The following DMXL2 variants were observed in gnomAD, a reference collection of about 807,000 sequenced individuals.
DMXL2 encodes the protein dmX-like protein 2.
A neutral mutation model predicts 331.1 loss-of-function variants in DMXL2; 103 were observed. That is an observed-to-expected ratio of 0.31 (90% CI 0.27 to 0.37). The LOEUF is 0.37. Among genes scored for constraint, DMXL2 ranks in the 10% least tolerant of loss-of-function variants. DMXL2 has a pLI of 1.00. For missense variants in DMXL2, 3,171 were observed against 3,642.9 expected, an observed-to-expected ratio of 0.87 and a Z score of 3.33; for synonymous variants, 1,281 against 1,252.1, an observed-to-expected ratio of 1.02 and a Z score of -0.49.
chr15:51,599,405 T>G (rs2053066487), intron 1 of DMXL2, among the ~76,000 whole-genome samples: 1 of 152,196 alleles, frequency 6.6e-6, no homozygotes, highest in Non-Finnish European at 1.5e-5. Flanking sequence ...TGTGTGTGTA[T>G]GTTTATGTAT....
In DMXL2 at chr15:51,586,983, T is replaced by TAAAAA. The variant is rs34212997; in HGVS notation, c.88-10807_88-10803dup. 2.4e-3 allele frequency among the ~76,000 whole-genome samples: 345 copies of TAAAAA among 144,354 alleles called. 2 individuals are homozygous for TAAAAA. The highest frequency in any genetic ancestry group is 2.5e-3 in the Non-Finnish European group (164 of 66,214). 94.7% of individuals were successfully genotyped at this position (144,354 alleles called of 152,430 possible). ...CAAAGTATTCATTGTCAAAAATCTC[T>TAAAAA]AAAAAAAAAAAAAATCAATACTGTA... On this transcript the variant is annotated intron_variant, in intron 1 of 43. Transcript: ENST00000560891.
At chr15:51,591,982 A>T (rs960935863) in intron 1 of DMXL2, among the ~76,000 whole-genome samples, 1 of 152,184 alleles carries the variant, frequency 6.6e-6, no homozygotes, top group Non-Finnish European at 1.5e-5. Context: ...AGAGCAGAAA[A>T]ACTGGAAACT....
At chr15:51,452,330 G>C (rs547596480) in intron 41 of DMXL2, among the ~76,000 whole-genome samples, 1 of 152,210 alleles carries the variant, frequency 6.6e-6, no homozygotes, top group Admixed American at 6.5e-5. Flanking sequence ...AGAGTAAAAA[G>C]GCAACCTGCA....
At chr15:51,462,247 G>A (rs929828138) in intron 33 of DMXL2, among the ~76,000 whole-genome samples, 5 of 152,106 alleles carry the variant, frequency 3.3e-5, no homozygotes, top group Admixed American at 2.0e-4. Flanking sequence ...ACTTTATCTC[G>A]GGAAATTGAG....
intron 33 of DMXL2, among the ~76,000 whole-genome samples, chr15:51,462,788 A>G (rs887748007): frequency 1.3e-5 from 2 of 152,152 alleles, no homozygotes; most frequent in South Asian, 2.1e-4. Flanking sequence ...TCACTTGCCA[A>G]TCTCCCAAAC....
intron 25 of DMXL2, among the ~76,000 whole-genome samples, chr15:51,478,884 A>G (rs2041798832): frequency 6.6e-6 from 1 of 151,604 alleles, no homozygotes; most frequent in Non-Finnish European, 1.5e-5. Context: ...CAGTCTTAGA[A>G]TTTTACATTT....
chr15:51,451,549 A>G (rs1240710578), intron 42 of DMXL2, 96 bp downstream of exon 42: 2 of 951,756 alleles, frequency 2.1e-6, no homozygotes, highest in Non-Finnish European at 3.2e-6. Context: ...GTCAATAAAC[A>G]CTCACTGGAT....
intron 13 of DMXL2, among the ~76,000 whole-genome samples, chr15:51,534,377 T>G (rs1238028806): frequency 6.6e-6 from 1 of 152,208 alleles, no homozygotes; most frequent in Non-Finnish European, 1.5e-5. Flanking sequence ...TTTAATATCT[T>G]GAGGTACTCT....
intron 13 of DMXL2, among the ~76,000 whole-genome samples, chr15:51,527,881 T>TCC (rs1374198951): frequency 6.6e-6 from 1 of 152,024 alleles, no homozygotes; most frequent in African/African-American, 2.4e-5. Context: ...TTACAACTTT[T>TCC]CAAGATACAG....
chr15:51,565,123 C>T lies in DMXL2; in HGVS notation c.329G>A (p.Ser110Asn). The T allele has an allele frequency of 6.3e-7, 1 of 1,584,232 alleles. No homozygotes were observed. Among genetic ancestry groups the T allele is most frequent in the Non-Finnish European group, 8.6e-7 (1 of 1,167,298 alleles). Residue 110 changes from serine (S) to asparagine (N), a missense_variant, in exon 4 of 44, where the codon AGT becomes AAT. Around this residue, in one of 7 missense-constraint regions of DMXL2, gnomAD observed 1,674 missense variants for 1,780.2 expected, o/e 0.94. Transcript: ENST00000560891. ...QWLKTGQFFLSSVTYNLAWDP... is the reference protein window; with the variant it reads ...QWLKTGQFFLNSVTYNLAWDP... ...CCATGCTAAGTTGTATGTCACAGAA[C>T]TCAAAAAAAACTGCCCAGTTTTAAG...
chr15:51,589,752 T>C (rs2052149242), intron 1 of DMXL2, among the ~76,000 whole-genome samples: 1 of 152,190 alleles, frequency 6.6e-6, no homozygotes, highest in South Asian at 2.1e-4. Flanking sequence ...TGGTACAGCA[T>C]CAAACCATAC....
intron 13 of DMXL2, among the ~76,000 whole-genome samples, chr15:51,534,717 T>A (rs1244172852): frequency 6.6e-6 from 1 of 152,212 alleles, no homozygotes; most frequent in African/African-American, 2.4e-5. Context: ...GGAACAAGCT[T>A]TACACATGTA....
At chr15:51,546,101 G>A (rs181869743) in intron 7 of DMXL2, among the ~76,000 whole-genome samples, 76 of 152,240 alleles carry the variant, frequency 5.0e-4, no homozygotes, top group Admixed American at 7.2e-4. Flanking sequence ...ATCATTAAAT[G>A]TAATTAAACT....
At chr15:51,569,362 G>GACAGAGC (rs1436550103) in intron 2 of DMXL2, among the ~76,000 whole-genome samples, 1 of 152,144 alleles carries the variant, frequency 6.6e-6, no homozygotes, top group Non-Finnish European at 1.5e-5. Flanking sequence ...AGCTCCCCGA[G>GACAGAGC]ACAGAGCACG....
chr15:51,487,802 C>CT, intron 22 of DMXL2, 152 bp downstream of exon 22: 1 of 595,372 alleles, frequency 1.7e-6, no homozygotes, highest in Non-Finnish European at 2.6e-6. Context: ...TCATATTTTC[C>CT]TTTACCACAG....
At chr15:51,570,483 C>A (rs2050592605) in intron 2 of DMXL2, among the ~76,000 whole-genome samples, 1 of 152,090 alleles carries the variant, frequency 6.6e-6, no homozygotes, top group Non-Finnish European at 1.5e-5. Flanking sequence ...CCCCAAGACA[C>A]ATAATCATCA....
At chr15:51,521,461 A>AGTAGTG (rs1310234991) in intron 13 of DMXL2, among the ~76,000 whole-genome samples, 6 of 111,718 alleles carry the variant, frequency 5.4e-5, no homozygotes, top group East Asian at 2.7e-4. Context: ...TAGTAGTAGT[A>AGTAGTG]GTGGTAGTGG....
At chr15:51,496,329 T>C (rs758124627) in intron 18 of DMXL2, among the ~76,000 whole-genome samples, 24 of 152,080 alleles carry the variant, frequency 1.6e-4, no homozygotes, top group Non-Finnish European at 1.5e-5. Context: ...AAAGCAGGAC[T>C]GAGAGATAGG....
chr15:51,499,958 G>A lies in DMXL2; in HGVS notation c.3266C>T (p.Pro1089Leu). Reference protein sequence around the residue: ...TGRLAVAYKQPIHHNGFVSKE... With the variant: ...TGRLAVAYKQLIHHNGFVSKE... ...AGAAACAAAACCATTATGGTGGATAGGCTGCTTATAAGCCACTGCAAGGCG... is the reference window on the plus strand; with the variant it reads ...AGAAACAAAACCATTATGGTGGATAAGCTGCTTATAAGCCACTGCAAGGCG... Residue 1089 changes from proline (P) to leucine (L), a missense_variant, in exon 18 of 44, where the codon CCT becomes CTT. By Grantham distance (98) the Pro-to-Leu change is moderately conservative. Coordinates refer to ENST00000560891, the MANE Select transcript of DMXL2 (RefSeq NM_001378457.1). 6.2e-7 allele frequency: 1 copy of A among 1,613,960 alleles called. No homozygotes were observed. Among genetic ancestry groups the A allele is most frequent in the Non-Finnish European group, 8.5e-7 (1 of 1,179,954 alleles).
Sources: allele counts gnomAD v4.1 joint callset (sites outside exome capture counted in the v4.1 genomes callset), GRCh38; gene constraint gnomAD v4.1.1; regional missense constraint gnomAD v4.1.1; transcripts MANE v1.5; gene names NCBI Gene and HGNC (gene_info 2026-07-23, HGNC 2026-07-21).